The following ZNF397 variants were observed in gnomAD, a reference collection of about 807,000 sequenced individuals.
The protein encoded by ZNF397 is zinc finger and SCAN domain-containing protein 15.
ZNF397 carries 38 observed loss-of-function variants against 50.6 expected under a neutral mutation model. That is an observed-to-expected ratio of 0.75 (90% CI 0.58 to 0.98). The LOEUF is 0.98. Ranked by LOEUF, ZNF397 falls within the 50% of genes least tolerant of loss-of-function variation. ZNF397 has a pLI of 0.00. For synonymous variants in ZNF397, 228 were observed against 215.2 expected, an observed-to-expected ratio of 1.06 and a Z score of -0.52; for missense variants, 624 against 624.1, an observed-to-expected ratio of 1.00 and a Z score of 0.00.
rs1439936828 is a variant in ZNF397 at position 35,249,322 on chromosome 18, C to T, written c.*3012C>T. ...ACCTGGAAATGTATGTTTCAGTAACCATCATGAATGTACACAAAATCCTGA... is the reference window on the plus strand; with the variant it reads ...ACCTGGAAATGTATGTTTCAGTAACTATCATGAATGTACACAAAATCCTGA... On this transcript the variant is annotated 3_prime_UTR_variant, in exon 4 of 4. Transcript: ENST00000330501. 1 of 152,100 alleles carries T rather than the reference C, an allele frequency of 6.6e-6. No homozygotes were observed. Among genetic ancestry groups the T allele is most frequent in the East Asian group, 1.9e-4 (1 of 5,196 alleles). The allele number at this position is 152,100 out of a possible 1,614,324, so 9.4% of individuals were successfully genotyped here.
downstream of ZNF397, chr18:35,252,512 T>A (rs915286839): frequency 3.3e-5 from 5 of 152,198 alleles, no homozygotes; most frequent in African/African-American, 4.8e-5. Flanking sequence ...TTCATTTTTT[T>A]AAAAATTAGG....
intron 5 of ZNF397, chr18:35,257,197 T>TA (rs1482285538): frequency 3.9e-5 from 6 of 152,286 alleles, no homozygotes; most frequent in African/African-American, 1.4e-4. Context: ...AAAATCCTTT[T>TA]AACTAGGGAT....
downstream of ZNF397, chr18:35,251,903 T>C (rs1288044710): frequency 6.6e-6 from 1 of 152,124 alleles, no homozygotes; most frequent in Non-Finnish European, 1.5e-5. Context: ...GAAATGACAC[T>C]ACCTAGGATA....
chr18:35,242,901 G>C lies in ZNF397; in HGVS notation c.414+17G>C. On this transcript the variant is annotated intron_variant, in intron 2 of 3. Transcript: ENST00000330501. ...GGGCAGCAGGTGGGAACGGAGAAAA[G>C]TGATGTGGGAAAAGGAATTTACAGC... 1 of 1,580,808 alleles carries C rather than the reference G, an allele frequency of 6.3e-7. No individual in the cohort carries two copies. The highest frequency in any genetic ancestry group is 8.6e-7 in the Non-Finnish European group (1 of 1,164,790).
At chr18:35,253,877 C>A (rs763531067), downstream of ZNF397, 18 of 1,614,138 alleles carry the variant, frequency 1.1e-5, no homozygotes, top group Non-Finnish European at 1.4e-5. Context: ...GGGTTTTTCA[C>A]CACTATGAAT....
At position 35,248,958 on chromosome 18, in the gene ZNF397, A is replaced by G. The variant is rs1020675202; in HGVS notation, c.*2648A>G. ...GATGAGGAAATGAAGGCTAAAGGTC[A>G]TATATCTACAAAGTGGGGAGGTCAG... On this transcript the variant is annotated 3_prime_UTR_variant, in exon 4 of 4. Coordinates refer to ENST00000330501, the MANE Select transcript of ZNF397 (RefSeq NM_001135178.3). 1 of 152,214 alleles carries G rather than the reference A, an allele frequency of 6.6e-6. No individual in the cohort carries two copies. The highest frequency in any genetic ancestry group is 2.4e-5 in the African/African-American group (1 of 41,450). 9.4% of individuals were successfully genotyped at this position (152,214 alleles called of 1,614,324 possible).
chr18:35,245,722 A>C lies in ZNF397; in HGVS notation c.1017A>C (p.Lys339Asn). Reference sequence around the variant, plus strand: ...ATCAGAGAATTCATAGTGGTGAGAAAGCATATGAATGTAGTGAATGTGGGA... The same window carrying C: ...ATCAGAGAATTCATAGTGGTGAGAACGCATATGAATGTAGTGAATGTGGGA... ...IIHQRIHSGE[K>N]AYECSECGKA... is the part of the protein sequence containing the mutation. The change falls in exon 4 of 4, where the codon AAA becomes AAC. Residue 339 changes from lysine to asparagine, a missense_variant. By Grantham distance (94) the Lys-to-Asn change is moderately conservative. Transcript: ENST00000330501. The C allele has an allele frequency of 6.4e-7, 1 of 1,552,198 alleles. No homozygotes were observed. Among genetic ancestry groups the C allele is most frequent in the South Asian group, 1.2e-5 (1 of 84,070 alleles).
intron 2 of ZNF397, 129 bp from the exon 3 acceptor site, chr18:35,243,023 A>G: frequency 6.7e-7 from 1 of 1,498,484 alleles, no homozygotes; most frequent in Non-Finnish European, 9.0e-7. Context: ...ACTTGTCTAT[A>G]CCCTTGAATG....
Position 35,247,231 on chromosome 18 carries a change from G to A in ZNF397, c.*921G>A, listed in dbSNP as rs2043496698. The A allele has an allele frequency of 1.0e-6, 1 of 958,588 alleles. No homozygotes were observed. Among genetic ancestry groups the A allele is most frequent in the Non-Finnish European group, 1.2e-6 (1 of 805,502 alleles). The allele number at this position is 958,588 out of a possible 1,614,324, so 59.4% of individuals were successfully genotyped here. A position where few individuals can be genotyped will look rare whatever the true frequency, so the allele number is the denominator to read the frequency against. ...AAGTTCCTGTTAATAGACAAAACCT[G>A]GAGCCCTTGGGCCACAGGGTAGTCA... On this transcript the variant is annotated 3_prime_UTR_variant, in exon 4 of 4. Transcript: ENST00000330501.
At position 35,247,275 on chromosome 18, in the gene ZNF397, A is replaced by G. The variant is rs17670225; in HGVS notation, c.*965A>G. On this transcript the variant is annotated 3_prime_UTR_variant, in exon 4 of 4. Transcript: ENST00000330501. ...GTAGTCAAGAGCTTTGTCTTGGTTTATGTGACCCCAGGGAAAGGGCAAATA... is the reference window on the plus strand; with the variant it reads ...GTAGTCAAGAGCTTTGTCTTGGTTTGTGTGACCCCAGGGAAAGGGCAAATA... 0.036 allele frequency: 25,427 copies of G among 700,024 alleles called. 1,142 individuals carry two copies. In the East Asian group the frequency reaches 0.4, roughly 11 times the overall value. The allele number at this position is 700,024 out of a possible 1,614,324, so 43.4% of individuals were successfully genotyped here.
rs2043495047 is a variant in ZNF397, at chr18:35,247,103, C to G, written c.*793C>G. 1.0e-6 allele frequency: 1 copy of G among 985,484 alleles called. No homozygotes were observed. The highest frequency in any genetic ancestry group is 1.2e-6 in the Non-Finnish European group (1 of 830,030). The allele number at this position is 985,484 out of a possible 1,614,324, so 61.0% of individuals were successfully genotyped here. A position where few individuals can be genotyped will look rare whatever the true frequency, so the allele number is the denominator to read the frequency against. ...CCCAGTAAAGAACAGTAGCCAAAGG[C>G]CAGAAACAAAGTGTGGAGCATTCCT... On this transcript the variant is annotated 3_prime_UTR_variant, in exon 4 of 4. Coordinates refer to ENST00000330501, the MANE Select transcript of ZNF397 (RefSeq NM_001135178.3).
At chr18:35,253,692 A>C (rs763922297), downstream of ZNF397, 1 of 1,614,144 alleles carries the variant, frequency 6.2e-7, no homozygotes, top group Non-Finnish European at 8.5e-7. Flanking sequence ...CATGCAATAC[A>C]TTCATAGCTT....
Position 35,246,073 on chromosome 18 carries a change from T to C in ZNF397, c.1368T>C (p.Ser456=). The change falls in exon 4 of 4, where the codon AGT becomes AGC. Residue 456 remains serine, a synonymous_variant. Transcript: ENST00000330501. ...GTGGAGAGAAACCCTATGAATGTAG[T>C]GAATGTGGAAAAGCTTTCAGTTTGA... The part of the protein sequence containing the change: ...IHSGEKPYEC[S]ECGKAFSLSS... 1 of 1,558,992 alleles carries C rather than the reference T, an allele frequency of 6.4e-7. No individual in the cohort carries two copies.
chr18:35,254,469 G>C (rs542856066), downstream of ZNF397: 2 of 1,596,612 alleles, frequency 1.3e-6, no homozygotes, highest in Non-Finnish European at 8.5e-7. Flanking sequence ...CAATGAAATA[G>C]GTATTTATTT....
At chr18:35,252,504 C>G (rs956513781), downstream of ZNF397, 2 of 152,172 alleles carry the variant, frequency 1.3e-5, no homozygotes, top group African/African-American at 4.8e-5. Context: ...CCTTCAGATT[C>G]ATTTTTTTAA....
In ZNF397 at chr18:35,245,267, G is replaced by A. The variant is rs2043456267; in HGVS notation, c.562G>A (p.Glu188Lys). 6.3e-7 allele frequency: 1 copy of A among 1,592,352 alleles called. No individual in the cohort carries two copies. The highest frequency in any genetic ancestry group is 1.4e-5 in the African/African-American group (1 of 73,888). Residue 188 changes from glutamate (E) to lysine (K), a missense_variant, in exon 4 of 4, where the codon GAG becomes AAG. Glu to Lys is a moderately conservative substitution (Grantham distance 56). Coordinates refer to ENST00000330501, the MANE Select transcript of ZNF397 (RefSeq NM_001135178.3). ...KPCLSPKSDC[E>K]NSETATKEGI... ...TTTGCTACTTATTGTTTCAGATTGT[G>A]AGAACAGTGAAACAGCAACAAAAGA...
Position 35,245,328 on chromosome 18 carries a change from A to G in ZNF397, c.623A>G (p.Gln208Arg). Residue 208 changes from glutamine to arginine, a missense_variant, in exon 4 of 4, where the codon CAG (glutamine) becomes CGG (arginine). Physicochemically the swap from Gln to Arg is conservative, Grantham distance 43. Transcript: ENST00000330501. ...ISEEKSQGLP[Q>R]EPSFRGISEH... ...GAAGAAAAATCACAGGGACTCCCTC[A>G]GGAACCTTCATTTCGAGGAATTAGT... 6.2e-7 allele frequency: 1 copy of G among 1,613,454 alleles called. No homozygotes were observed. Among genetic ancestry groups the G allele is most frequent in the Non-Finnish European group, 8.5e-7 (1 of 1,179,558 alleles).
At chr18:35,243,119 C>G in intron 2 of ZNF397, 33 bp from the exon 3 acceptor site, 1 of 1,611,452 alleles carries the variant, frequency 6.2e-7, no homozygotes, top group Non-Finnish European at 8.5e-7. Context: ...TAGGGATTTT[C>G]TCACAAAGCT....
rs891061147 is a variant in ZNF397 at position 35,246,496 on chromosome 18, TCAGAA to T, written c.*192_*196del. ...CCTTGAAAGCTTTTCCTGTGACTAA[TCAGAA>T]CAGAATACAGAAGAATCATTACTTC... On this transcript the variant is annotated 3_prime_UTR_variant, in exon 4 of 4. Coordinates refer to ENST00000330501, the MANE Select transcript of ZNF397 (RefSeq NM_001135178.3). 6 of 1,402,316 alleles carry T rather than the reference TCAGAA, an allele frequency of 4.3e-6. No individual in the cohort carries two copies. In the African/African-American group the frequency reaches 5.8e-5, roughly 14 times the overall value. The allele number at this position is 1,402,316 out of a possible 1,614,324, so 86.9% of individuals were successfully genotyped here.
Sources: allele counts gnomAD v4.1 joint callset, GRCh38; gene constraint gnomAD v4.1.1; transcripts MANE v1.5; gene names NCBI Gene and HGNC (gene_info 2026-07-23, HGNC 2026-07-21).